The following FNBP1 variants were observed in gnomAD, a reference collection of about 807,000 sequenced individuals.
FNBP1 encodes the protein formin-binding protein 1.
A neutral mutation model predicts 90.6 loss-of-function variants in FNBP1; 26 were observed. The observed-to-expected ratio is 0.29, with a 90% confidence interval of 0.21 to 0.40. The LOEUF (loss-of-function observed/expected upper bound fraction) is 0.40. Ranked by LOEUF, FNBP1 falls within the 10% of genes least tolerant of loss-of-function variation. The pLI, the probability that FNBP1 is intolerant of heterozygous loss-of-function variation, is 1.00. For synonymous variants in FNBP1, 260 were observed against 265.2 expected (o/e 0.98, Z 0.19); for missense variants, 635 against 768.0 (o/e 0.83, Z 2.05).
chr9:129,896,136 C>T (rs570871577), intron 15 of FNBP1, 140 bp from the exon 16 acceptor site: 6 of 786,890 alleles, frequency 7.6e-6, no homozygotes, highest in East Asian at 2.6e-5. Context: ...CTCAGATGCA[C>T]GGACCCCTCA....
At chr9:130,036,783 C>T (rs962471099) in intron 1 of FNBP1, among the ~76,000 whole-genome samples, 15 of 152,326 alleles carry the variant, frequency 9.8e-5, no homozygotes, top group East Asian at 9.7e-4. Flanking sequence ...CAGTGGCTCA[C>T]GCCTGTAATC....
intron 2 of FNBP1, among the ~76,000 whole-genome samples, chr9:129,990,345 C>G (rs1374584252): frequency 1.3e-5 from 2 of 152,098 alleles, no homozygotes; most frequent in Non-Finnish European, 2.9e-5. Flanking sequence ...GGCTAAGGGA[C>G]GAGGTGGGCC....
chr9:130,015,275 T>C (rs538901876), intron 1 of FNBP1, among the ~76,000 whole-genome samples: 1 of 152,278 alleles, frequency 6.6e-6, no homozygotes, highest in East Asian at 1.9e-4. Flanking sequence ...CACATACTAG[T>C]AGGTCTTTAC....
intron 1 of FNBP1, among the ~76,000 whole-genome samples, chr9:130,024,008 T>A (rs1201839343): frequency 6.6e-6 from 1 of 152,138 alleles, no homozygotes; most frequent in African/African-American, 2.4e-5. Context: ...AACATACATA[T>A]AACCTTTAGG....
intron 1 of FNBP1, among the ~76,000 whole-genome samples, chr9:130,003,223 T>G (rs2055125962): frequency 6.6e-6 from 1 of 150,822 alleles, no homozygotes; most frequent in South Asian, 2.1e-4. Context: ...CTTTGGGAGG[T>G]CGAGGCAGGC....
rs749482112 is a variant in FNBP1 at position 129,909,019 on chromosome 9, T to C, written c.1186-20A>G. ...TGCACCCTGCAGACACAAATATAAA[T>C]GAGAAACCAGAAAGCCCCAGGCTTT... is the stretch of plus-strand genomic sequence containing the variant. On this transcript the variant is annotated intron_variant, in intron 11 of 16. Coordinates refer to ENST00000446176, the MANE Select transcript of FNBP1 (RefSeq NM_015033.3). 2.6e-6 allele frequency: 4 copies of C among 1,559,056 alleles called. No homozygotes were observed. Among genetic ancestry groups the C allele is most frequent in the Non-Finnish European group, 3.5e-6 (4 of 1,130,670 alleles).
chr9:129,915,369 A>G (rs1007538872), intron 11 of FNBP1, among the ~76,000 whole-genome samples: 1 of 151,908 alleles, frequency 6.6e-6, no homozygotes, highest in Non-Finnish European at 1.5e-5. Flanking sequence ...TTACGTTCAT[A>G]TATATATATT....
the FNBP1 span, among the ~76,000 whole-genome samples, chr9:130,050,866 G>A: frequency 6.8e-6 from 1 of 147,706 alleles, no homozygotes; most frequent in South Asian, 2.2e-4. Flanking sequence ...TTGCTCTGTC[G>A]CACAGGCTGG....
intron 6 of FNBP1, among the ~76,000 whole-genome samples, chr9:129,938,963 T>C (rs192845835): frequency 2.6e-5 from 4 of 152,188 alleles, no homozygotes; most frequent in Admixed American, 6.6e-5. Flanking sequence ...TTTTTCATTA[T>C]GGTAGGTTTG....
intron 1 of FNBP1, among the ~76,000 whole-genome samples, chr9:130,016,380 A>G (rs1340760029): frequency 6.6e-6 from 1 of 150,694 alleles, no homozygotes; most frequent in Admixed American, 6.6e-5. Flanking sequence ...CTTCTTCACA[A>G]TACCTGATTC....
intron 11 of FNBP1, among the ~76,000 whole-genome samples, chr9:129,913,124 CTTCA>C (rs1255493367): frequency 5.3e-5 from 8 of 152,126 alleles, no homozygotes; most frequent in Admixed American, 3.9e-4. Flanking sequence ...AGGAGAAACG[CTTCA>C]ACCCGGGAGG....
At chr9:129,964,163 G>A (rs1293735161) in intron 4 of FNBP1, among the ~76,000 whole-genome samples, 5 of 152,270 alleles carry the variant, frequency 3.3e-5, no homozygotes, top group Non-Finnish European at 5.9e-5. Context: ...TGTATTTGTT[G>A]TTTACCAACA....
chr9:129,890,555 C>CAAAG lies in FNBP1; in HGVS notation c.1847-13_1847-10dup, dbSNP rs1271860836. 4 of 1,580,848 alleles carry CAAAG rather than the reference C, an allele frequency of 2.5e-6. No individual in the cohort carries two copies. In the African/African-American group the frequency reaches 5.4e-5, roughly 21 times the overall value. On this transcript the variant is annotated splice_polypyrimidine_tract_variant and intron_variant, in intron 16 of 16. Transcript: ENST00000446176. The surrounding 1 kb of genome is among the most constrained non-coding windows in gnomAD (Gnocchi z 5.8). ...CACTCCCCTCTAGGAATCTACAACACAAAGAGAAACAGAAAGAGAAACTCT... is the reference window on the plus strand; with the variant it reads ...CACTCCCCTCTAGGAATCTACAACACAAAGAAAGAGAAACAGAAAGAGAAACTCT...
In FNBP1 at chr9:129,902,095, GAT is replaced by G. The variant is rs757929169; in HGVS notation, c.1428+772_1428+773del. Among the ~76,000 whole-genome samples the G allele has an allele frequency of 6.6e-5, 10 of 152,148 alleles. No individual in the cohort carries two copies. In the East Asian group the frequency reaches 1.9e-3, roughly 29 times the overall value. The stretch of plus-strand genomic sequence containing the variant: ...TGCTCCTCTCCCTCCCTCAAGCTTT[GAT>G]TATTTATGTTTCCTGCTTGTTTCTC... On this transcript the variant is annotated intron_variant, in intron 13 of 16. Coordinates refer to ENST00000446176, the MANE Select transcript of FNBP1 (RefSeq NM_015033.3).
intron 1 of FNBP1, among the ~76,000 whole-genome samples, chr9:130,023,289 T>C (rs560974760): frequency 3.9e-5 from 6 of 152,174 alleles, no homozygotes; most frequent in Middle Eastern, 3.4e-3. Context: ...AAGAAATAAA[T>C]CATGCTTTTA....
At chr9:130,020,981 T>A (rs929877850) in intron 1 of FNBP1, among the ~76,000 whole-genome samples, 29 of 152,052 alleles carry the variant, frequency 1.9e-4, no homozygotes, top group African/African-American at 6.0e-4. Context: ...CTCTGATTTT[T>A]AAAAAAACAA....
chr9:130,053,152 A>G, the FNBP1 span, among the ~76,000 whole-genome samples: 1 of 152,192 alleles, frequency 6.6e-6, no homozygotes, highest in East Asian at 1.9e-4. Context: ...TGAAAGAAGC[A>G]AAGAAAGTTT....
At chr9:129,953,121 G>C (rs7869975) in intron 6 of FNBP1, among the ~76,000 whole-genome samples, 138,798 of 152,290 alleles carry the variant, frequency 0.91, 63,320 homozygotes, top group Non-Finnish European at 0.92. Flanking sequence ...GTGTACTAGG[G>C]TATAAAACGA....
intron 6 of FNBP1, among the ~76,000 whole-genome samples, chr9:129,954,554 T>TA (rs1222141877): frequency 7.3e-5 from 11 of 151,404 alleles, no homozygotes; most frequent in Admixed American, 5.9e-4. Flanking sequence ...TGGCTCAATG[T>TA]AAAAAAAACT....
Sources: allele counts gnomAD v4.1 joint callset (sites outside exome capture counted in the v4.1 genomes callset), GRCh38; gene constraint gnomAD v4.1.1; non-coding constraint Gnocchi (gnomAD v3.1); transcripts MANE v1.5; gene names NCBI Gene and HGNC (gene_info 2026-07-23, HGNC 2026-07-21).